Variants in MSRA observed in about 807,000 individuals in gnomAD.
MSRA encodes the protein methionine sulfoxide reductase A, also known as mitochondrial peptide methionine sulfoxide reductase.
Under a neutral mutation model 31.3 loss-of-function variants are expected in MSRA, and 54 were observed. The observed-to-expected ratio is 1.73, with a 90% CI of 1.39 to 2.17. MSRA has a LOEUF of 2.17. MSRA is among the 30% of genes most tolerant of loss of function. The pLI is 0.00. For synonymous variants in MSRA, 169 were observed against 116.5 expected, an observed-to-expected ratio of 1.45 and a Z score of -2.90; for missense variants, 507 against 300.9, an observed-to-expected ratio of 1.69 and a Z score of -5.07.
chr8:10,115,093 A>G (rs949653826), intron 1 of MSRA, among the ~76,000 whole-genome samples: 3 of 152,268 alleles, frequency 2.0e-5, no homozygotes, highest in African/African-American at 7.2e-5. Flanking sequence ...AACATGTATT[A>G]TAGAGATGAC....
chr8:10,381,368 A>C (rs961987867), intron 5 of MSRA, among the ~76,000 whole-genome samples: 5 of 152,194 alleles, frequency 3.3e-5, no homozygotes, highest in Admixed American at 2.6e-4. Flanking sequence ...ATTAGCCAGG[A>C]AGTTTTTGGT....
chr8:10,414,977 G>C (rs557811257), intron 5 of MSRA, among the ~76,000 whole-genome samples: 2 of 152,280 alleles, frequency 1.3e-5, no homozygotes, highest in Non-Finnish European at 2.9e-5. Flanking sequence ...TAGAGGAAAA[G>C]TCACTTGAAT....
intron 1 of MSRA, among the ~76,000 whole-genome samples, chr8:10,079,027 T>A (rs1798143442): frequency 6.6e-6 from 1 of 152,208 alleles, no homozygotes; most frequent in East Asian, 1.9e-4. Flanking sequence ...TATTCACCGC[T>A]GTGTGCTGGC....
At chr8:10,412,490 T>C (rs149592528) in intron 5 of MSRA, among the ~76,000 whole-genome samples, 1 of 152,310 alleles carries the variant, frequency 6.6e-6, no homozygotes, top group African/African-American at 2.4e-5. Flanking sequence ...GTTCCAGGTA[T>C]AGAACGAAGA....
At chr8:10,386,292 C>T (rs1447218412) in intron 5 of MSRA, among the ~76,000 whole-genome samples, 1 of 152,110 alleles carries the variant, frequency 6.6e-6, no homozygotes, top group East Asian at 1.9e-4. Flanking sequence ...CAGACTCTTC[C>T]GCTGTCCCAT....
At chr8:10,294,745 C>T (rs1476783865) in intron 3 of MSRA, among the ~76,000 whole-genome samples, 1 of 152,144 alleles carries the variant, frequency 6.6e-6, no homozygotes, top group Non-Finnish European at 1.5e-5. Context: ...CCAGTTCACA[C>T]TGGAGGGGCA....
At chr8:10,248,444 A>C (rs1165724149) in intron 3 of MSRA, among the ~76,000 whole-genome samples, 2 of 152,174 alleles carry the variant, frequency 1.3e-5, no homozygotes, top group African/African-American at 4.8e-5. Flanking sequence ...GACGCACATC[A>C]GAGCTTCCAC....
At chr8:10,122,974 A>C (rs1166047592) in intron 1 of MSRA, among the ~76,000 whole-genome samples, 1 of 152,168 alleles carries the variant, frequency 6.6e-6, no homozygotes, top group Non-Finnish European at 1.5e-5. Flanking sequence ...GCTATTGTGA[A>C]TAGTGCTGCA....
chr8:10,122,150 T>G (rs28477121), intron 1 of MSRA, among the ~76,000 whole-genome samples: 7,929 of 152,066 alleles, frequency 0.052, 673 homozygotes, highest in African/African-American at 0.18. Context: ...GCTGCTGGTG[T>G]TGTTGTAACC....
intron 1 of MSRA, among the ~76,000 whole-genome samples, chr8:10,128,617 T>G (rs1026108081): frequency 2.6e-5 from 4 of 152,194 alleles, no homozygotes; most frequent in Admixed American, 6.5e-5. Flanking sequence ...CCTCTTAGCT[T>G]GGCTTTGTTG....
chr8:10,156,463 G>A (rs1804159044), intron 1 of MSRA, among the ~76,000 whole-genome samples: 1 of 151,752 alleles, frequency 6.6e-6, no homozygotes, highest in East Asian at 1.9e-4. Context: ...GAGAGAGAGG[G>A]GATTTGAGAA....
At chr8:10,072,549 T>C (rs1273128954) in intron 1 of MSRA, among the ~76,000 whole-genome samples, 1 of 152,186 alleles carries the variant, frequency 6.6e-6, no homozygotes, top group Non-Finnish European at 1.5e-5. Flanking sequence ...CCCTCCCACC[T>C]TATTCTTCCC....
chr8:10,068,833 T>C (rs954613784), intron 1 of MSRA, among the ~76,000 whole-genome samples: 2 of 152,218 alleles, frequency 1.3e-5, no homozygotes, highest in African/African-American at 2.4e-5. Context: ...GGGATTTTGA[T>C]TGCAATGATA....
chr8:10,281,642 C>T (rs943489943), intron 3 of MSRA, among the ~76,000 whole-genome samples: 15 of 152,192 alleles, frequency 9.9e-5, no homozygotes, highest in South Asian at 2.1e-4. Flanking sequence ...AGACGATTTC[C>T]GGCATGTGCT....
At chr8:10,303,630 A>G (rs1202220332) in intron 4 of MSRA, among the ~76,000 whole-genome samples, 2 of 152,010 alleles carry the variant, frequency 1.3e-5, no homozygotes, top group Non-Finnish European at 2.9e-5. Context: ...CTGCCCCAGG[A>G]CCCCTCCAAT....
At chr8:10,222,411 G>A (rs1483155911) in intron 2 of MSRA, among the ~76,000 whole-genome samples, 1 of 151,906 alleles carries the variant, frequency 6.6e-6, no homozygotes, top group Non-Finnish European at 1.5e-5. Context: ...TGGTGGGATT[G>A]TAAATTGGTA....
At chr8:10,081,656 A>G (rs1798300115) in intron 1 of MSRA, among the ~76,000 whole-genome samples, 1 of 151,902 alleles carries the variant, frequency 6.6e-6, no homozygotes, top group African/African-American at 2.4e-5. Context: ...CGCCTGACAA[A>G]TCTTTGTATT....
At position 10,134,372 on chromosome 8, in the gene MSRA, C is replaced by A. The variant is rs1802111841; in HGVS notation, c.143-73461C>A. On this transcript the variant is annotated intron_variant, in intron 1 of 5. Transcript: ENST00000317173. The stretch of plus-strand genomic sequence containing the variant: ...CACTTGACATTCTCAGTGCTGAGCT[C>A]ATGTAGAGGCAGCAGACAGACTGCA... Among the ~76,000 whole-genome samples, 2 of 152,306 alleles carry A rather than the reference C, an allele frequency of 1.3e-5. 1 individual carries two copies. Among genetic ancestry groups the A allele is most frequent in the Middle Eastern group, 6.8e-3 (2 of 294 alleles).
At chr8:10,403,839 C>G (rs954648638) in intron 5 of MSRA, among the ~76,000 whole-genome samples, 4 of 152,196 alleles carry the variant, frequency 2.6e-5, no homozygotes, top group African/African-American at 2.4e-5. Context: ...GCTGAGTTGC[C>G]TCACCTCTTC....
Sources: allele counts gnomAD v4.1 joint callset (sites outside exome capture counted in the v4.1 genomes callset), GRCh38; gene constraint gnomAD v4.1.1; transcripts MANE v1.5; gene names NCBI Gene and HGNC (gene_info 2026-07-23, HGNC 2026-07-21).